Variants in RGS7 observed in about 807,000 individuals in gnomAD.
RGS7 encodes regulator of G protein signaling 7.
RGS7 carries 27 observed loss-of-function variants against 81.1 expected under a neutral mutation model. The ratio of observed to expected loss-of-function variants is 0.33; its 90% CI spans 0.25 to 0.46. RGS7 has a LOEUF of 0.46. Among genes scored for constraint, RGS7 ranks in the 20% least tolerant of loss-of-function variants. The probability of loss-of-function intolerance (pLI) is 1.00; values close to 1 mark genes in which losing one functional copy is unlikely to be tolerated. For synonymous variants in RGS7, 208 were observed against 207.7 expected, an observed-to-expected ratio of 1.00 and a Z score of -0.01; for missense variants, 396 against 607.4, an observed-to-expected ratio of 0.65 and a Z score of 3.66.
intron 3 of RGS7, among the ~76,000 whole-genome samples, chr1:241,035,635 C>T (rs997729131): frequency 1.3e-5 from 2 of 152,090 alleles, no homozygotes; most frequent in African/African-American, 4.8e-5. Flanking sequence ...ATCACCATTA[C>T]CACCCCAACA....
chr1:241,204,068 G>A (rs1159247521), intron 2 of RGS7, among the ~76,000 whole-genome samples: 1 of 152,176 alleles, frequency 6.6e-6, no homozygotes, highest in East Asian at 1.9e-4. Flanking sequence ...AATACTATAG[G>A]AGTTGCCCAG....
In RGS7 at chr1:241,115,895, T is replaced by C. The variant is rs58405252; in HGVS notation, c.79-17133A>G. 2.7e-3 allele frequency among the ~76,000 whole-genome samples: 409 copies of C among 152,242 alleles called. 12 individuals are homozygous for C. In the East Asian group the frequency reaches 0.058, roughly 22 times the overall value. Reference sequence around the variant, plus strand: ...GGAGGAGGGGCCTGGTGGGAGGTGATTGGATCATGGGAAGGGATTTCCCCC... The same window carrying C: ...GGAGGAGGGGCCTGGTGGGAGGTGACTGGATCATGGGAAGGGATTTCCCCC... On this transcript the variant is annotated intron_variant, in intron 2 of 18. Transcript: ENST00000440928.
chr1:240,814,018 C>T (rs1407340738), intron 12 of RGS7, among the ~76,000 whole-genome samples: 1 of 152,164 alleles, frequency 6.6e-6, no homozygotes, highest in Non-Finnish European at 1.5e-5. Context: ...GTGAAGGGCA[C>T]CGCTAAGAGT....
intron 6 of RGS7, among the ~76,000 whole-genome samples, chr1:240,877,175 A>G (rs933403138): frequency 1.3e-5 from 2 of 152,036 alleles, no homozygotes; most frequent in Admixed American, 1.3e-4. Context: ...CTACCTAAAA[A>G]GCTGAAATAA....
intron 2 of RGS7, among the ~76,000 whole-genome samples, chr1:241,228,617 C>T (rs1171661899): frequency 6.6e-6 from 1 of 152,018 alleles, no homozygotes; most frequent in Admixed American, 6.6e-5. Context: ...CACTGAGTTT[C>T]ATAGAAAAAT....
At chr1:241,230,885 T>C (rs1362720590) in intron 2 of RGS7, among the ~76,000 whole-genome samples, 1 of 152,200 alleles carries the variant, frequency 6.6e-6, no homozygotes, top group Non-Finnish European at 1.5e-5. Flanking sequence ...GAGAGCAAAT[T>C]TGTCTACTGA....
At chr1:241,178,053 A>G (rs1266859886) in intron 2 of RGS7, among the ~76,000 whole-genome samples, 1 of 152,170 alleles carries the variant, frequency 6.6e-6, no homozygotes, top group African/African-American at 2.4e-5. Context: ...TTGGAAGGCC[A>G]AGGCAGGAGG....
At chr1:240,958,499 A>G (rs1680808158) in intron 4 of RGS7, among the ~76,000 whole-genome samples, 1 of 152,156 alleles carries the variant, frequency 6.6e-6, no homozygotes, top group Non-Finnish European at 1.5e-5. Context: ...ATGTCATGGA[A>G]TTAGATATGC....
intron 13 of RGS7, 58 bp from the exon 14 acceptor site, chr1:240,812,101 G>C (rs781581194): frequency 1.5e-5 from 24 of 1,590,768 alleles, no homozygotes; most frequent in South Asian, 4.4e-5. Flanking sequence ...CCATTTTTTT[G>C]TTATTACATT....
At chr1:241,084,106 T>C (rs1453740258) in intron 3 of RGS7, among the ~76,000 whole-genome samples, 2 of 152,232 alleles carry the variant, frequency 1.3e-5, no homozygotes, top group Non-Finnish European at 2.9e-5. Context: ...AAAACTTGCA[T>C]TGGCCCAGTC....
At chr1:240,777,853 C>T (rs1463686296) in intron 18 of RGS7, among the ~76,000 whole-genome samples, 1 of 151,048 alleles carries the variant, frequency 6.6e-6, no homozygotes, top group Non-Finnish European at 1.5e-5. Context: ...ATACCATCAC[C>T]TTCATGATCT....
intron 2 of RGS7, among the ~76,000 whole-genome samples, chr1:241,160,876 C>A (rs1229225772): frequency 6.6e-6 from 1 of 152,116 alleles, no homozygotes; most frequent in Non-Finnish European, 1.5e-5. Flanking sequence ...TACAGCAGGA[C>A]TTTGCAAAGT....
intron 3 of RGS7, among the ~76,000 whole-genome samples, chr1:241,087,652 TA>T (rs2063525877): frequency 6.6e-6 from 1 of 152,046 alleles, no homozygotes; most frequent in Admixed American, 6.6e-5. Context: ...TGTGGTTTTA[TA>T]AAACCATATA....
chr1:240,808,875 T>C (rs959770135), intron 14 of RGS7, among the ~76,000 whole-genome samples: 1 of 81,900 alleles, frequency 1.2e-5, no homozygotes, highest in African/African-American at 3.8e-5. Context: ...ATCCCATCTC[T>C]CTTAAAAAAA....
At chr1:240,956,728 C>A (rs921477977) in intron 4 of RGS7, among the ~76,000 whole-genome samples, 1 of 152,098 alleles carries the variant, frequency 6.6e-6, no homozygotes, top group African/African-American at 2.4e-5. Flanking sequence ...ACTCCATTTA[C>A]ATGACACTCT....
chr1:241,315,784 G>A (rs1413658074), intron 2 of RGS7, among the ~76,000 whole-genome samples: 2 of 152,162 alleles, frequency 1.3e-5, no homozygotes, highest in African/African-American at 4.8e-5. Flanking sequence ...TCTGATCTTA[G>A]AGAAAAAGCT....
chr1:240,959,798 CATT>C (rs1681053318), intron 4 of RGS7, among the ~76,000 whole-genome samples: 1 of 152,126 alleles, frequency 6.6e-6, no homozygotes, highest in African/African-American at 2.4e-5. Context: ...AGAGCATAAA[CATT>C]ATTTCAACCT....
At chr1:241,051,075 G>A (rs1016233167) in intron 3 of RGS7, among the ~76,000 whole-genome samples, 6 of 152,144 alleles carry the variant, frequency 3.9e-5, no homozygotes, top group African/African-American at 1.4e-4. Flanking sequence ...CCCTACAAAT[G>A]TTAGGGGTGG....
chr1:241,257,446 C>CT (rs1443207512), intron 2 of RGS7, among the ~76,000 whole-genome samples: 1 of 152,130 alleles, frequency 6.6e-6, no homozygotes, highest in African/African-American at 2.4e-5. Context: ...TCACTGTCTC[C>CT]TAACAGACAC....
Sources: gnomAD v4.1 joint callset for allele counts (sites outside exome capture counted in the v4.1 genomes callset) on GRCh38, gnomAD v4.1.1 for gene constraint, MANE v1.5 for transcripts, NCBI Gene and HGNC (gene_info 2026-07-23, HGNC 2026-07-21) for gene names.